CACNG3: variants seen among roughly 807,000 people sequenced by gnomAD.
The protein encoded by CACNG3 is voltage-dependent calcium channel gamma-3 subunit.
In CACNG3, 3 loss-of-function variants were observed where a neutral mutation model predicts 28.5. The observed-to-expected ratio is 0.11, with a 90% CI of 0.05 to 0.27. CACNG3 has a LOEUF of 0.27. Ranked by LOEUF, CACNG3 falls within the 10% of genes least tolerant of loss-of-function variation. The probability of loss-of-function intolerance (pLI) is 1.00; values close to 1 mark genes in which losing one functional copy is unlikely to be tolerated. For synonymous variants in CACNG3, 174 were observed against 162.2 expected (o/e 1.07, Z -0.55); for missense variants, 236 against 414.4 (o/e 0.57, Z 3.74).
At chr16:24,346,683 C>G in intron 1 of CACNG3, 51 bp from the exon 2 acceptor site, 1 of 1,392,458 alleles carries the variant, frequency 7.2e-7, no homozygotes, top group African/African-American at 1.4e-5. Flanking sequence ...AGGCTGGCCC[C>G]CAGAGCTCTG....
At chr16:24,293,346 G>T (rs767316379) in intron 1 of CACNG3, among the ~76,000 whole-genome samples, 1 of 152,072 alleles carries the variant, frequency 6.6e-6, no homozygotes, top group South Asian at 2.1e-4. Context: ...CAACTCTGAT[G>T]TTCATCCTCT....
intron 1 of CACNG3, among the ~76,000 whole-genome samples, chr16:24,265,965 ATTAT>A (rs1898604447): frequency 6.6e-6 from 1 of 152,188 alleles, no homozygotes; most frequent in African/African-American, 2.4e-5. Flanking sequence ...TTCTAGAAGG[ATTAT>A]TTGTTTTCCC....
chr16:24,346,679 G>GGC lies in CACNG3; in HGVS notation c.212-55_212-54insGC, dbSNP rs35638594. ...CACATAGCGGTGAGGACCCAGGCTG[G>GGC]CCCCCAGAGCTCTGTCTCCTCCCCC... is the stretch of plus-strand genomic sequence containing the variant. On this transcript the variant is annotated intron_variant, in intron 1 of 3. Transcript: ENST00000005284. The GGC allele has an allele frequency of 6.6e-3, 8,850 of 1,339,246 alleles. 45 individuals are homozygous for GGC. The highest frequency in any genetic ancestry group is 7.1e-3 in the Non-Finnish European group (6,592 of 930,630). The allele number at this position is 1,339,246 out of a possible 1,614,324, so 83.0% of individuals were successfully genotyped here.
At chr16:24,268,560 G>A (rs962411780) in intron 1 of CACNG3, among the ~76,000 whole-genome samples, 1 of 152,218 alleles carries the variant, frequency 6.6e-6, no homozygotes, top group East Asian at 1.9e-4. Flanking sequence ...AATCCAGAAA[G>A]CAAGGTCAAG....
chr16:24,351,586 A>AGGAAGGGGAAGGGGAAGG (rs367559338), intron 2 of CACNG3, among the ~76,000 whole-genome samples: 3 of 86,402 alleles, frequency 3.5e-5, no homozygotes, highest in Non-Finnish European at 6.6e-5. Context: ...GGAAGGGAAG[A>AGGAAGGGGAAGGGGAAGG]GGAAGGGGAA....
chr16:24,301,194 G>A (rs1385372859), intron 1 of CACNG3, among the ~76,000 whole-genome samples: 3 of 146,848 alleles, frequency 2.0e-5, no homozygotes, highest in Middle Eastern at 3.5e-3. Flanking sequence ...CTGGGCAACA[G>A]AGTGAGACTC....
chr16:24,276,145 A>T (rs549168787), intron 1 of CACNG3, among the ~76,000 whole-genome samples: 4 of 152,376 alleles, frequency 2.6e-5, no homozygotes, highest in African/African-American at 9.6e-5. Context: ...AAAAGCAGAT[A>T]TAAGAATCTA....
At chr16:24,356,948 C>T (rs1435420188) in intron 3 of CACNG3, among the ~76,000 whole-genome samples, 1 of 151,992 alleles carries the variant, frequency 6.6e-6, no homozygotes, top group Non-Finnish European at 1.5e-5. Context: ...TGCAAGAGAA[C>T]TCCCCTTTAT....
chr16:24,298,064 T>C (rs1027914107), intron 1 of CACNG3, among the ~76,000 whole-genome samples: 6 of 152,058 alleles, frequency 3.9e-5, no homozygotes, highest in African/African-American at 1.2e-4. Flanking sequence ...TTATTCACTA[T>C]AGAAAATTTA....
rs530092087 is a variant in CACNG3 at position 24,320,876 on chromosome 16, T to C, written c.212-25858T>C. On this transcript the variant is annotated intron_variant, in intron 1 of 3. Transcript: ENST00000005284. The stretch of plus-strand genomic sequence containing the variant: ...TCCCGATTAGCTGGGACCACAGGCA[T>C]GCAACACTATGCCTAATAATTTTTT... 1.1e-4 allele frequency among the ~76,000 whole-genome samples: 17 copies of C among 152,142 alleles called. No homozygotes were observed. The South Asian group carries it at 3.3e-3, about 30-fold the overall frequency.
At chr16:24,277,345 T>A (rs1284373408) in intron 1 of CACNG3, among the ~76,000 whole-genome samples, 1 of 152,058 alleles carries the variant, frequency 6.6e-6, no homozygotes, top group African/African-American at 2.4e-5. Context: ...GGTTGGGGGA[T>A]CAGGGAAGCA....
intron 1 of CACNG3, among the ~76,000 whole-genome samples, chr16:24,308,706 A>C (rs1876904161): frequency 2.0e-5 from 3 of 151,928 alleles, no homozygotes; most frequent in African/African-American, 7.3e-5. Context: ...TTAGCCAGCC[A>C]TGTTGGCATG....
intron 1 of CACNG3, among the ~76,000 whole-genome samples, chr16:24,315,445 T>G (rs867133391): frequency 3.9e-5 from 5 of 126,918 alleles, no homozygotes; most frequent in Admixed American, 1.6e-4. Context: ...CTCCCTGCCT[T>G]CCTTCCTTCC....
At chr16:24,322,244 CG>C (rs1899472272) in intron 1 of CACNG3, among the ~76,000 whole-genome samples, 1 of 152,264 alleles carries the variant, frequency 6.6e-6, no homozygotes, top group Admixed American at 6.5e-5. Flanking sequence ...ATCACTCCTT[CG>C]TTAGGTGAGG....
chr16:24,260,949 T>C (rs777959003), intron 1 of CACNG3, among the ~76,000 whole-genome samples: 5 of 152,166 alleles, frequency 3.3e-5, no homozygotes, highest in Non-Finnish European at 7.3e-5. Context: ...TAAGAAAACC[T>C]CATGAAGTCC....
intron 1 of CACNG3, among the ~76,000 whole-genome samples, chr16:24,342,267 C>CAAAAT (rs1415985006): frequency 6.6e-6 from 1 of 151,822 alleles, no homozygotes; most frequent in South Asian, 2.1e-4. Flanking sequence ...GACTCCATCT[C>CAAAAT]AAAATAAAAT....
chr16:24,348,138 C>T (rs1208543476), intron 2 of CACNG3, among the ~76,000 whole-genome samples: 1 of 152,186 alleles, frequency 6.6e-6, no homozygotes, highest in African/African-American at 2.4e-5. Flanking sequence ...TGGCTCACAC[C>T]TGTAATCTCA....
At chr16:24,269,114 C>A (rs932599076) in intron 1 of CACNG3, among the ~76,000 whole-genome samples, 3 of 152,102 alleles carry the variant, frequency 2.0e-5, no homozygotes, top group Admixed American at 1.3e-4. Context: ...GCAGGCAAGA[C>A]CCAACACCAT....
intron 1 of CACNG3, among the ~76,000 whole-genome samples, chr16:24,328,990 A>G (rs1026010925): frequency 6.6e-6 from 1 of 152,152 alleles, no homozygotes; most frequent in Non-Finnish European, 1.5e-5. Flanking sequence ...GGCAACTAGC[A>G]AAGATCCTAA....
Sources: gnomAD v4.1 joint callset for allele counts (sites outside exome capture counted in the v4.1 genomes callset) on GRCh38, gnomAD v4.1.1 for gene constraint, MANE v1.5 for transcripts, NCBI Gene and HGNC (gene_info 2026-07-23, HGNC 2026-07-21) for gene names.